Variants in TTC7B observed in about 807,000 individuals in gnomAD.
The protein encoded by TTC7B is tetratricopeptide repeat domain 7B, also known as tetratricopeptide repeat protein 7B.
Under a neutral mutation model 106.8 loss-of-function variants are expected in TTC7B, and 28 were observed. That is an observed-to-expected ratio of 0.26 (90% CI 0.19 to 0.36). The LOEUF (loss-of-function observed/expected upper bound fraction) is 0.36, where lower values mean the gene tolerates loss of function less well. TTC7B is among the 10% of genes least tolerant of loss of function. The probability of loss-of-function intolerance (pLI) is 1.00; values close to 1 mark genes in which losing one functional copy is unlikely to be tolerated. For missense variants in TTC7B, 862 were observed against 1,076.4 expected, an observed-to-expected ratio of 0.80 and a Z score of 2.79; for synonymous variants, 405 against 430.6, an observed-to-expected ratio of 0.94 and a Z score of 0.74.
chr14:90,684,153 G>GC (rs1398478034), intron 7 of TTC7B, among the ~76,000 whole-genome samples: 2 of 151,964 alleles, frequency 1.3e-5, no homozygotes, highest in African/African-American at 4.8e-5. Flanking sequence ...ACAGTGCCTG[G>GC]CACTCACTAG....
chr14:90,767,891 A>G (rs906351018), intron 3 of TTC7B, among the ~76,000 whole-genome samples: 4 of 152,208 alleles, frequency 2.6e-5, no homozygotes, highest in Non-Finnish European at 5.9e-5. Flanking sequence ...AAATTTGGTG[A>G]AAGATATTAA....
chr14:90,775,308 A>G (rs753806032), intron 3 of TTC7B, among the ~76,000 whole-genome samples: 30 of 152,190 alleles, frequency 2.0e-4, no homozygotes, highest in Non-Finnish European at 3.8e-4. Flanking sequence ...AGTGCTTTAC[A>G]TGTATTCACC....
chr14:90,638,389 G>A lies in TTC7B; in HGVS notation c.1751+5659C>T, dbSNP rs542282585. Among the ~76,000 whole-genome samples the A allele has an allele frequency of 1.1e-4, 17 of 152,238 alleles. No homozygotes were observed. In the South Asian group the frequency reaches 3.3e-3, roughly 30 times the overall value. The stretch of plus-strand genomic sequence containing the variant: ...TTAGACTTATTAAGAATTTAGCTGG[G>A]TCAAGAAGAATGTGCAAAAACCAGT... On this transcript the variant is annotated intron_variant, in intron 15 of 19. Coordinates refer to ENST00000328459, the MANE Select transcript of TTC7B (RefSeq NM_001010854.2).
Position 90,657,821 on chromosome 14 carries a change from G to A in TTC7B, c.1236+483C>T, listed in dbSNP as rs941922013. The A allele has an allele frequency of 7.6e-5, 14 of 183,264 alleles. No homozygotes were observed. The highest frequency in any genetic ancestry group is 1.5e-4 in the Non-Finnish European group (13 of 85,874). The allele number at this position is 183,264 out of a possible 1,614,324, so 11.4% of individuals were successfully genotyped here. On this transcript the variant is annotated intron_variant, in intron 10 of 19. Transcript: ENST00000328459. This position sits in a 1 kb window ranked among gnomAD's most constrained non-coding sequence, Gnocchi z 4.2. ...GGTGCTGTTCTTACTCCATTTTACC[G>A]AGGAAACTGAGCTGCTCAGTAACTT...
chr14:90,671,412 G>A (rs1400568079), intron 9 of TTC7B, among the ~76,000 whole-genome samples: 3 of 152,140 alleles, frequency 2.0e-5, no homozygotes, highest in Non-Finnish European at 2.9e-5. Flanking sequence ...ATGGAGGGGG[G>A]ACACACACAA....
At chr14:90,654,748 C>G (rs914125824) in intron 12 of TTC7B, among the ~76,000 whole-genome samples, 5 of 152,140 alleles carry the variant, frequency 3.3e-5, no homozygotes, top group African/African-American at 1.2e-4. Context: ...AGTGTGCCAC[C>G]AGCATAATGT....
At chr14:90,815,781 T>C (rs1340205898) in intron 1 of TTC7B, among the ~76,000 whole-genome samples, 1 of 151,876 alleles carries the variant, frequency 6.6e-6, no homozygotes, top group East Asian at 1.9e-4. Context: ...ATACACACAC[T>C]GTGGACTTCA....
chr14:90,777,896 C>T (rs1186046824), intron 3 of TTC7B, among the ~76,000 whole-genome samples: 2 of 152,208 alleles, frequency 1.3e-5, no homozygotes, highest in East Asian at 1.9e-4. Context: ...CACTATGTGT[C>T]GGCACTGTAG....
intron 9 of TTC7B, among the ~76,000 whole-genome samples, chr14:90,672,184 C>T (rs1297266564): frequency 1.3e-5 from 2 of 152,176 alleles, no homozygotes; most frequent in African/African-American, 2.4e-5. Flanking sequence ...AAGGAAAGCA[C>T]AAGGACAGGG....
At chr14:90,606,362 C>T (rs530503232) in intron 17 of TTC7B, among the ~76,000 whole-genome samples, 2 of 152,104 alleles carry the variant, frequency 1.3e-5, no homozygotes, top group South Asian at 2.1e-4. Flanking sequence ...AACGGGGAGA[C>T]CACCGCCGCT....
chr14:90,618,542 C>A (rs1490857109), intron 15 of TTC7B, among the ~76,000 whole-genome samples: 1 of 152,212 alleles, frequency 6.6e-6, no homozygotes, highest in Non-Finnish European at 1.5e-5. Flanking sequence ...CCGGCATAGG[C>A]CCTCAGCTCC....
intron 17 of TTC7B, among the ~76,000 whole-genome samples, chr14:90,598,551 G>A (rs1488082316): frequency 1.3e-5 from 2 of 152,172 alleles, no homozygotes; most frequent in Non-Finnish European, 2.9e-5. Context: ...GGAACCAAGA[G>A]GAACCAAGGC....
intron 7 of TTC7B, among the ~76,000 whole-genome samples, chr14:90,681,120 G>A (rs1952028): frequency 0.38 from 57,407 of 151,936 alleles, 11,218 homozygotes; most frequent in Middle Eastern, 0.52. Context: ...CCTAAATCTT[G>A]GATTAAAAGA....
intron 1 of TTC7B, among the ~76,000 whole-genome samples, chr14:90,796,921 C>T (rs1040458669): frequency 1.1e-4 from 17 of 151,508 alleles, no homozygotes; most frequent in African/African-American, 4.1e-4. Context: ...AATCTCAGCC[C>T]GTTGCAACCT....
intron 12 of TTC7B, among the ~76,000 whole-genome samples, chr14:90,654,706 T>G (rs1446682134): frequency 2.0e-5 from 3 of 152,074 alleles, no homozygotes; most frequent in African/African-American, 7.2e-5. Flanking sequence ...GCTAGGTGGA[T>G]GAATCATCCC....
At chr14:90,633,960 C>T (rs775867188) in intron 15 of TTC7B, among the ~76,000 whole-genome samples, 9 of 151,874 alleles carry the variant, frequency 5.9e-5, no homozygotes, top group African/African-American at 1.5e-4. Context: ...TTGCAACCTC[C>T]GCCTCCCAGG....
At chr14:90,605,850 A>G in intron 17 of TTC7B, 1 of 951,152 alleles carries the variant, frequency 1.1e-6, no homozygotes, top group South Asian at 1.9e-5. Flanking sequence ...ATATACTCAC[A>G]TAAGCTGCAA....
At chr14:90,810,302 T>C (rs753124540) in intron 1 of TTC7B, among the ~76,000 whole-genome samples, 1 of 152,204 alleles carries the variant, frequency 6.6e-6, no homozygotes, top group Non-Finnish European at 1.5e-5. Flanking sequence ...CTGAAATACA[T>C]CTGGCCCCAA....
In TTC7B at chr14:90,805,730, G is replaced by A. The variant is rs1210206180; in HGVS notation, c.121+10445C>T. Among the ~76,000 whole-genome samples, 1 of 152,238 alleles carries A rather than the reference G, an allele frequency of 6.6e-6. No individual in the cohort carries two copies. The highest frequency in any genetic ancestry group is 1.9e-4 in the East Asian group (1 of 5,196). On this transcript the variant is annotated intron_variant, in intron 1 of 19. Transcript: ENST00000328459. This position sits in a 1 kb window ranked among gnomAD's most constrained non-coding sequence, Gnocchi z 4.0. ...CAGAGATAAAGCCTGAAGCCGAATA[G>A]AGACCACTAGTGAGACTCTCATCAA... is the stretch of plus-strand genomic sequence containing the variant.
Sources: gnomAD v4.1 joint callset for allele counts (sites outside exome capture counted in the v4.1 genomes callset) on GRCh38, gnomAD v4.1.1 for gene constraint, Gnocchi (gnomAD v3.1) non-coding constraint, MANE v1.5 for transcripts, NCBI Gene and HGNC (gene_info 2026-07-23, HGNC 2026-07-21) for gene names.